SH3D19: variants seen among roughly 807,000 people sequenced by gnomAD.
SH3D19 encodes the protein SH3 domain-containing protein 19.
A neutral mutation model predicts 112.1 loss-of-function variants in SH3D19; 58 were observed. That is an observed-to-expected ratio of 0.52 (90% CI 0.42 to 0.64). SH3D19 has a LOEUF of 0.64. SH3D19 is among the 30% of genes least tolerant of loss of function. SH3D19 has a pLI of 0.00. For synonymous variants in SH3D19, 391 were observed against 448.5 expected (o/e 0.87, Z 1.62); for missense variants, 1,090 against 1,263.4 (o/e 0.86, Z 2.08).
intron 2 of SH3D19, among the ~76,000 whole-genome samples, chr4:151,191,955 T>C (rs1762729289): frequency 7.6e-6 from 1 of 131,162 alleles, no homozygotes; most frequent in African/African-American, 2.8e-5. Context: ...CTTTTTTTTT[T>C]TTTTTTTTGA....
intron 14 of SH3D19, among the ~76,000 whole-genome samples, chr4:151,136,142 T>C (rs1231428760): frequency 3.3e-5 from 5 of 152,098 alleles, no homozygotes; most frequent in Admixed American, 6.5e-5. Flanking sequence ...CAACACTTTG[T>C]TTTATTTTAT....
chr4:151,267,503 T>C (rs556807009), intron 1 of SH3D19, among the ~76,000 whole-genome samples: 26 of 152,372 alleles, frequency 1.7e-4, no homozygotes, highest in African/African-American at 5.8e-4. Context: ...TGAGTGAACA[T>C]AGCTTTTATT....
At chr4:151,158,918 A>T (rs1053602413) in intron 9 of SH3D19, among the ~76,000 whole-genome samples, 4 of 152,256 alleles carry the variant, frequency 2.6e-5, no homozygotes, top group Admixed American at 2.0e-4. Flanking sequence ...ACTTGAATAA[A>T]GTTATTTCCC....
At chr4:151,170,202 T>C (rs1337282722) in intron 7 of SH3D19, among the ~76,000 whole-genome samples, 1 of 151,070 alleles carries the variant, frequency 6.6e-6, no homozygotes, top group Non-Finnish European at 1.5e-5. Flanking sequence ...GGAGTTTACA[T>C]TTTTTTTTAA....
intron 2 of SH3D19, among the ~76,000 whole-genome samples, chr4:151,222,997 C>T (rs1331772398): frequency 7.6e-6 from 1 of 132,296 alleles, no homozygotes; most frequent in Non-Finnish European, 1.6e-5. Flanking sequence ...GGAATATTCT[C>T]CCAGCCTTTT....
Position 151,177,016 on chromosome 4 carries a change from A to G in SH3D19, c.237-61T>C, listed in dbSNP as rs1760057327. The G allele has an allele frequency of 2.5e-6, 3 of 1,223,068 alleles. No individual in the cohort carries two copies. The South Asian group carries it at 1.2e-4, about 51-fold the overall frequency. 75.8% of individuals were successfully genotyped at this position (1,223,068 alleles called of 1,614,324 possible). Reference sequence around the variant, plus strand: ...TGGTAACAAGCTATTGTCTATCTATAAATGTTCAAAGATTCATGAAAACCA... The same window carrying G: ...TGGTAACAAGCTATTGTCTATCTATGAATGTTCAAAGATTCATGAAAACCA... On this transcript the variant is annotated intron_variant, in intron 4 of 19. Transcript: ENST00000604030.
At chr4:151,137,044 T>C (rs767733985) in intron 14 of SH3D19, among the ~76,000 whole-genome samples, 2 of 152,214 alleles carry the variant, frequency 1.3e-5, no homozygotes, top group Non-Finnish European at 2.9e-5. Context: ...CCTATTCCAA[T>C]TGATACAAAT....
intron 2 of SH3D19, among the ~76,000 whole-genome samples, chr4:151,222,973 G>T (rs1042506286): frequency 2.1e-5 from 3 of 144,866 alleles, no homozygotes; most frequent in Non-Finnish European, 4.5e-5. Context: ...GGCCTCTTTG[G>T]TCTCTTGTTA....
At chr4:151,301,927 GA>G (rs1728464281) in intron 1 of SH3D19, among the ~76,000 whole-genome samples, 1 of 152,162 alleles carries the variant, frequency 6.6e-6, no homozygotes, top group South Asian at 2.1e-4. Flanking sequence ...AGTTTATGAA[GA>G]ATAACACACA....
intron 1 of SH3D19, among the ~76,000 whole-genome samples, chr4:151,312,110 T>C (rs1729514363): frequency 6.6e-6 from 1 of 152,162 alleles, no homozygotes; most frequent in Non-Finnish European, 1.5e-5. Context: ...TGGTAATTAT[T>C]TCACAATGTA....
chr4:151,153,211 A>G (rs1755404603), intron 9 of SH3D19, among the ~76,000 whole-genome samples: 1 of 151,848 alleles, frequency 6.6e-6, no homozygotes, highest in African/African-American at 2.4e-5. Context: ...TGGCCTCCAT[A>G]TGTTTCTTAT....
intron 1 of SH3D19, among the ~76,000 whole-genome samples, chr4:151,247,763 G>A (rs141237640): frequency 1.2e-3 from 180 of 152,214 alleles, no homozygotes; most frequent in African/African-American, 3.9e-3. Flanking sequence ...ATAAGATAGC[G>A]GAGATAAATC....
At chr4:151,303,096 G>A (rs757368222) in intron 1 of SH3D19, among the ~76,000 whole-genome samples, 7 of 152,206 alleles carry the variant, frequency 4.6e-5, no homozygotes, top group Non-Finnish European at 7.3e-5. Context: ...AGATGGAGAT[G>A]AAATACACAC....
At chr4:151,258,592 A>T (rs1010926695) in intron 1 of SH3D19, among the ~76,000 whole-genome samples, 3 of 151,636 alleles carry the variant, frequency 2.0e-5, no homozygotes, top group Non-Finnish European at 1.5e-5. Context: ...CCTTTTTCTT[A>T]CCTCCCATCA....
intron 2 of SH3D19, among the ~76,000 whole-genome samples, chr4:151,195,388 AAAAAAAAAAGAAAAAG>A (rs1456071678): frequency 0.022 from 3,280 of 146,560 alleles, 209 homozygotes; most frequent in African/African-American, 0.08. Context: ...AAAAAAAAAA[AAAAAAAAAAGAAAAAG>A]AAAAAAAGAG....
chr4:151,229,095 C>T (rs1345835426), intron 1 of SH3D19, among the ~76,000 whole-genome samples: 4 of 145,624 alleles, frequency 2.7e-5, no homozygotes, highest in Non-Finnish European at 6.0e-5. Context: ...TGGTCTCAAA[C>T]TTCGGGACTC....
intron 1 of SH3D19, 108 bp downstream of exon 1, chr4:151,325,132 CG>C: frequency 2.0e-6 from 1 of 500,276 alleles, no homozygotes; most frequent in Non-Finnish European, 3.0e-6. Flanking sequence ...TTAAAGAAGC[CG>C]GTCCCATCCC....
At chr4:151,262,871 T>C (rs770847466) in intron 1 of SH3D19, 17 of 152,224 alleles carry the variant, frequency 1.1e-4, no homozygotes, top group Non-Finnish European at 2.2e-4. Context: ...CCATCTCGCT[T>C]GCTGAGTTTT....
At chr4:151,290,300 C>T (rs1346705276) in intron 1 of SH3D19, among the ~76,000 whole-genome samples, 4 of 152,120 alleles carry the variant, frequency 2.6e-5, no homozygotes, top group Non-Finnish European at 4.4e-5. Context: ...TCACAATGTC[C>T]ATTAGGTGAT....
Sources: allele counts gnomAD v4.1 joint callset (sites outside exome capture counted in the v4.1 genomes callset), GRCh38; gene constraint gnomAD v4.1.1; transcripts MANE v1.5; gene names NCBI Gene and HGNC (gene_info 2026-07-23, HGNC 2026-07-21).